The following JPT2 variants were observed in gnomAD, a reference collection of about 807,000 sequenced individuals.
The protein encoded by JPT2 is CRAMP_1 like.
A neutral mutation model predicts 15.9 loss-of-function variants in JPT2; 9 were observed. That is an observed-to-expected ratio of 0.57 (90% CI 0.34 to 0.99). JPT2 has a LOEUF of 0.99. Among genes scored for constraint, JPT2 ranks in the 50% least tolerant of loss-of-function variants. The pLI is 0.02. For synonymous variants in JPT2, 95 were observed against 91.7 expected (o/e 1.04, Z -0.21); for missense variants, 267 against 252.1 (o/e 1.06, Z -0.40).
intron 2 of JPT2, chr16:1,690,582 A>C (rs952046646): frequency 6.6e-6 from 1 of 152,222 alleles, no homozygotes; most frequent in Non-Finnish European, 1.5e-5. Context: ...AAAATGCAAA[A>C]GATCAAAACT....
At position 1,699,313 on chromosome 16, in the gene JPT2, C is replaced by T; in HGVS notation, c.*315C>T. On this transcript the variant is annotated 3_prime_UTR_variant, in exon 5 of 5. Coordinates refer to ENST00000248098, the MANE Select transcript of JPT2 (RefSeq NM_144570.3). The stretch of plus-strand genomic sequence containing the variant: ...GCATGGTCCTTGGATCAACAGCCCG[C>T]CAGCTGATTGGATGTCTAGGAATGA... 1 of 553,288 alleles carries T rather than the reference C, an allele frequency of 1.8e-6. No individual in the cohort carries two copies. Among genetic ancestry groups the T allele is most frequent in the Non-Finnish European group, 3.5e-6 (1 of 289,690 alleles). 34.3% of individuals were successfully genotyped at this position (553,288 alleles called of 1,614,324 possible).
At chr16:1,694,454 C>A (rs2037126696) in intron 3 of JPT2, among the ~76,000 whole-genome samples, 1 of 152,186 alleles carries the variant, frequency 6.6e-6, no homozygotes, top group East Asian at 1.9e-4. Flanking sequence ...CTATAAGAGT[C>A]CTAATGGTGT....
At chr16:1,695,927 C>A (rs564970840) in intron 3 of JPT2, among the ~76,000 whole-genome samples, 1 of 152,208 alleles carries the variant, frequency 6.6e-6, no homozygotes, top group East Asian at 1.9e-4. Context: ...CATCAAAGGA[C>A]ACTATAAAGA....
At chr16:1,697,447 A>G (rs1328293723) in intron 3 of JPT2, among the ~76,000 whole-genome samples, 2 of 151,938 alleles carry the variant, frequency 1.3e-5, no homozygotes, top group African/African-American at 4.8e-5. Flanking sequence ...CAGGAGGCAG[A>G]GGCTGCAGTG....
At chr16:1,678,446 T>C in intron 1 of JPT2, 90 bp downstream of exon 1, 1 of 1,132,768 alleles carries the variant, frequency 8.8e-7, no homozygotes, top group Non-Finnish European at 1.1e-6. Flanking sequence ...CCGTGTGGGG[T>C]TGGGGTGGGG....
At chr16:1,686,681 C>T (rs1458808424) in intron 2 of JPT2, 1 of 149,920 alleles carries the variant, frequency 6.7e-6, no homozygotes, top group Non-Finnish European at 1.5e-5. Context: ...AGCTAGACTC[C>T]ATCTCAAAAA....
chr16:1,680,351 G>T (rs921765427), intron 1 of JPT2: 1 of 1,001,338 alleles, frequency 1.0e-6, no homozygotes, highest in Non-Finnish European at 1.2e-6. Flanking sequence ...TGACTTTCAC[G>T]CTCCAGAAGT....
chr16:1,678,488 C>A (rs977284718), intron 1 of JPT2, 132 bp downstream of exon 1: 2 of 915,430 alleles, frequency 2.2e-6, no homozygotes, highest in South Asian at 5.6e-5. Flanking sequence ...CAGAGGCCCT[C>A]GGGGCCGCCG....
chr16:1,691,879 C>T lies in JPT2; in HGVS notation c.230C>T (p.Pro77Leu). ...KGSGIFDEST[P>L]VQTRQHLNPP... ...AGTGGTATCTTTGACGAATCAACCCCCGTGCAGACTCGACAGCACCTGAAC... is the reference window on the plus strand; with the variant it reads ...AGTGGTATCTTTGACGAATCAACCCTCGTGCAGACTCGACAGCACCTGAAC... Residue 77 changes from proline (P) to leucine (L), a missense_variant, in exon 3 of 5, where the codon CCC (proline) becomes CTC (leucine). Pro to Leu is a moderately conservative substitution (Grantham distance 98). Coordinates refer to ENST00000248098, the MANE Select transcript of JPT2 (RefSeq NM_144570.3). 1 of 1,614,056 alleles carries T rather than the reference C, an allele frequency of 6.2e-7. No individual in the cohort carries two copies. Among genetic ancestry groups the T allele is most frequent in the Non-Finnish European group, 8.5e-7 (1 of 1,180,020 alleles).
intron 1 of JPT2, 47 bp downstream of exon 1, chr16:1,678,403 G>A: frequency 8.2e-7 from 1 of 1,225,762 alleles, no homozygotes. Context: ...GCGACCACGT[G>A]GCGGGAGCGG....
At chr16:1,696,145 A>G (rs547328577) in intron 3 of JPT2, among the ~76,000 whole-genome samples, 158 of 152,104 alleles carry the variant, frequency 1.0e-3, no homozygotes, top group African/African-American at 3.6e-3. Context: ...AGAAGAATCA[A>G]CTGAACCTGG....
chr16:1,700,930 GA>G lies in JPT2; in HGVS notation c.*1933del, dbSNP rs2037176361. On this transcript the variant is annotated 3_prime_UTR_variant, in exon 5 of 5. Transcript: ENST00000248098. The stretch of plus-strand genomic sequence containing the variant: ...GACTTCTGGGTTATGGGAGAAACCA[GA>G]GATGGGAATGAGGAAAATATGAACT... The G allele has an allele frequency of 6.6e-6, 1 of 152,244 alleles. No homozygotes were observed. The highest frequency in any genetic ancestry group is 1.5e-5 in the Non-Finnish European group (1 of 68,048). 9.4% of individuals were successfully genotyped at this position (152,244 alleles called of 1,614,324 possible). A position where few individuals can be genotyped will look rare whatever the true frequency, so the allele number is the denominator to read the frequency against.
chr16:1,681,800 CTG>C (rs762027487), intron 1 of JPT2, among the ~76,000 whole-genome samples: 30 of 152,150 alleles, frequency 2.0e-4, no homozygotes, highest in African/African-American at 7.0e-4. Context: ...AGACAGGAGA[CTG>C]TGAATGTAGG....
intron 2 of JPT2, chr16:1,688,286 C>G (rs368819773): frequency 6.6e-6 from 1 of 152,066 alleles, no homozygotes; most frequent in Non-Finnish European, 1.5e-5. Flanking sequence ...AGAACTAGTC[C>G]GTAGCAGAGC....
At chr16:1,689,169 T>C (rs1446760498) in intron 2 of JPT2, 1 of 152,142 alleles carries the variant, frequency 6.6e-6, no homozygotes, top group African/African-American at 2.4e-5. Flanking sequence ...GAGTGATGTC[T>C]TTGGCCAAAA....
chr16:1,685,918 T>C (rs2037061553), intron 2 of JPT2: 2 of 227,298 alleles, frequency 8.8e-6, no homozygotes, highest in Non-Finnish European at 1.7e-5. Context: ...GTGCAAATTA[T>C]TGTGCATTTA....
intron 3 of JPT2, among the ~76,000 whole-genome samples, chr16:1,694,846 G>A (rs1471653741): frequency 1.3e-5 from 2 of 152,172 alleles, no homozygotes; most frequent in Non-Finnish European, 2.9e-5. Flanking sequence ...ATGGATCGAA[G>A]ACCTAAAGTT....
chr16:1,696,024 T>C (rs1179509936), intron 3 of JPT2, among the ~76,000 whole-genome samples: 2 of 150,316 alleles, frequency 1.3e-5, no homozygotes, highest in Non-Finnish European at 1.5e-5. Context: ...AGGTCAAGAG[T>C]TCGAGACCAG....
chr16:1,698,674 A>G lies in JPT2; in HGVS notation c.386-137A>G, dbSNP rs2142231617. 7.2e-6 allele frequency: 6 copies of G among 835,098 alleles called. No individual in the cohort carries two copies. The South Asian group carries it at 9.2e-5, about 13-fold the overall frequency. 51.7% of individuals were successfully genotyped at this position (835,098 alleles called of 1,614,324 possible). A position where few individuals can be genotyped will look rare whatever the true frequency, so the allele number is the denominator to read the frequency against. ...TTGGTACCAGATGAAAAGCCTGTCT[A>G]TATTGTCTTCTCTTTCCCAGTTACA... On this transcript the variant is annotated intron_variant, in intron 4 of 4. Transcript: ENST00000248098. The surrounding 1 kb of genome is among the most constrained non-coding windows in gnomAD (Gnocchi z 4.9).
Sources: gnomAD v4.1 joint callset for allele counts (sites outside exome capture counted in the v4.1 genomes callset) on GRCh38, gnomAD v4.1.1 for gene constraint, Gnocchi (gnomAD v3.1) non-coding constraint, MANE v1.5 for transcripts, NCBI Gene and HGNC (gene_info 2026-07-23, HGNC 2026-07-21) for gene names.